The following RTN1 variants were observed in gnomAD, a reference collection of about 807,000 sequenced individuals.
The protein encoded by RTN1 is reticulon 1, also known as reticulon-1.
A neutral mutation model predicts 65.5 loss-of-function variants in RTN1; 25 were observed. The observed-to-expected ratio is 0.38, with a 90% CI of 0.28 to 0.53. The LOEUF (loss-of-function observed/expected upper bound fraction) is 0.53, where lower values mean the gene tolerates loss of function less well. Among genes scored for constraint, RTN1 ranks in the 20% least tolerant of loss-of-function variants. The pLI is 0.79. For missense variants in RTN1, 983 were observed against 1,025.4 expected (o/e 0.96, Z 0.57); for synonymous variants, 471 against 447.6 (o/e 1.05, Z -0.66).
chr14:59,801,301 A>C (rs547207333), intron 1 of RTN1, among the ~76,000 whole-genome samples: 34 of 152,324 alleles, frequency 2.2e-4, no homozygotes, highest in African/African-American at 8.2e-4. Flanking sequence ...GTCTAGATAC[A>C]CCATAGTCAG....
At position 59,746,140 on chromosome 14, in the gene RTN1, T is replaced by TATA. The variant is rs1885218379; in HGVS notation, c.580_582dup (p.Tyr194dup). 1 of 1,608,964 alleles carries TATA rather than the reference T, an allele frequency of 6.2e-7. No homozygotes were observed. The highest frequency in any genetic ancestry group is 8.5e-7 in the Non-Finnish European group (1 of 1,178,266). Reference sequence around the variant, plus strand: ...TCGGGTCTGGTTATGTCAATGTATTTATAGGCCTCTGCTTTCATCTGGTCC... The same window carrying TATA: ...TCGGGTCTGGTTATGTCAATGTATTTATAATAGGCCTCTGCTTTCATCTGGTCC... On this transcript the variant is annotated inframe_insertion, in exon 2 of 9. Coordinates refer to ENST00000267484, the MANE Select transcript of RTN1 (RefSeq NM_021136.3).
intron 3 of RTN1, among the ~76,000 whole-genome samples, chr14:59,641,765 GTACAA>G (rs1279310386): frequency 3.3e-5 from 5 of 152,156 alleles, no homozygotes; most frequent in African/African-American, 1.2e-4. Context: ...ACAAATTCTT[GTACAA>G]TACAAGTTTC....
chr14:59,699,471 G>GA (rs1186454354), intron 3 of RTN1, among the ~76,000 whole-genome samples: 6 of 151,892 alleles, frequency 4.0e-5, no homozygotes, highest in Non-Finnish European at 8.8e-5. Context: ...ACATTTTTAT[G>GA]AAAAAAATTG....
At chr14:59,671,779 G>A (rs146092427) in intron 3 of RTN1, among the ~76,000 whole-genome samples, 11 of 152,310 alleles carry the variant, frequency 7.2e-5, no homozygotes, top group African/African-American at 1.7e-4. Context: ...ATGCTTAGGC[G>A]GGGAACAGCT....
At chr14:59,747,234 C>T (rs1214690009) in intron 1 of RTN1, among the ~76,000 whole-genome samples, 6 of 152,206 alleles carry the variant, frequency 3.9e-5, no homozygotes, top group Admixed American at 2.6e-4. Flanking sequence ...AAGGGTAAGA[C>T]AGGTTTCCAA....
chr14:59,861,408 C>A (rs183630300), intron 1 of RTN1, among the ~76,000 whole-genome samples: 1 of 152,192 alleles, frequency 6.6e-6, no homozygotes, highest in South Asian at 2.1e-4. Context: ...GTTGATTAAA[C>A]CTTTTTCTTT....
chr14:59,663,840 GA>G (rs1883305194), intron 3 of RTN1, among the ~76,000 whole-genome samples: 1 of 152,160 alleles, frequency 6.6e-6, no homozygotes, highest in Non-Finnish European at 1.5e-5. Flanking sequence ...AGGATGTGGA[GA>G]AATAGGAATG....
intron 3 of RTN1, among the ~76,000 whole-genome samples, chr14:59,625,317 A>G (rs757141704): frequency 6.6e-6 from 1 of 152,172 alleles, no homozygotes; most frequent in Non-Finnish European, 1.5e-5. Context: ...AACCTTTCTA[A>G]CCCACAATGA....
At chr14:59,757,862 TAC>T (rs1014261695) in intron 1 of RTN1, among the ~76,000 whole-genome samples, 52 of 152,294 alleles carry the variant, frequency 3.4e-4, no homozygotes, top group African/African-American at 1.2e-3. Context: ...GTATATTTGT[TAC>T]AACTGATGAA....
intron 1 of RTN1, among the ~76,000 whole-genome samples, chr14:59,783,084 C>A (rs184845114): frequency 1.7e-4 from 26 of 152,244 alleles, no homozygotes; most frequent in African/African-American, 5.5e-4. Context: ...ATGAAGAAAG[C>A]AAGACAGAAA....
chr14:59,749,599 CTATCTA>C (rs1566712319), intron 1 of RTN1, among the ~76,000 whole-genome samples: 50 of 21,986 alleles, frequency 2.3e-3, no homozygotes, highest in East Asian at 0.011. Context: ...ATATATATAT[CTATCTA>C]TATATATTTA....
At chr14:59,792,407 A>G (rs1259552799) in intron 1 of RTN1, among the ~76,000 whole-genome samples, 1 of 151,304 alleles carries the variant, frequency 6.6e-6, no homozygotes, top group Non-Finnish European at 1.5e-5. Flanking sequence ...ATTCTGAGGT[A>G]ACAGATCCAC....
chr14:59,782,549 C>T (rs1312765891), intron 1 of RTN1, among the ~76,000 whole-genome samples: 3 of 152,182 alleles, frequency 2.0e-5, no homozygotes, highest in African/African-American at 7.2e-5. Context: ...TCACTGCACA[C>T]AGCTGCAAGA....
chr14:59,678,246 C>A (rs1301368200), intron 3 of RTN1, among the ~76,000 whole-genome samples: 1 of 152,070 alleles, frequency 6.6e-6, no homozygotes, highest in Admixed American at 6.6e-5. Flanking sequence ...GGTCTTTTCT[C>A]CAAAGTTTTA....
At chr14:59,629,338 T>C (rs1266379638) in intron 3 of RTN1, among the ~76,000 whole-genome samples, 1 of 152,212 alleles carries the variant, frequency 6.6e-6, no homozygotes, top group African/African-American at 2.4e-5. Flanking sequence ...TTAAAATATA[T>C]ACCGAAGCAA....
At chr14:59,607,914 AAGAG>A (rs535572199) in intron 3 of RTN1, among the ~76,000 whole-genome samples, 13 of 144,546 alleles carry the variant, frequency 9.0e-5, no homozygotes, top group Admixed American at 2.0e-4. Flanking sequence ...AAAAAAAAAA[AAGAG>A]AGAGAGAGCC....
chr14:59,754,191 A>T (rs902658268), intron 1 of RTN1, among the ~76,000 whole-genome samples: 3 of 152,236 alleles, frequency 2.0e-5, no homozygotes, highest in Admixed American at 1.3e-4. Flanking sequence ...ATTGCCATTA[A>T]ATCCCAATAT....
rs764922456 is a variant in RTN1 at position 59,727,222 on chromosome 14, G to T, written c.1462C>A (p.Pro488Thr). The change falls in exon 3 of 9, where the codon CCC becomes ACC. Residue 488 changes from proline to threonine, a missense_variant. Transcript: ENST00000267484. The surrounding 1 kb of genome is among the most constrained non-coding windows in gnomAD (Gnocchi z 4.2). ...EESPKREQDS[P>T]PMKPSALDAI... ...TCCAGGGCGCTGGGCTTCATCGGGGGTGAGTCCTGCTCCCGCTTGGGGCTC... is the reference window on the plus strand; with the variant it reads ...TCCAGGGCGCTGGGCTTCATCGGGGTTGAGTCCTGCTCCCGCTTGGGGCTC... 6 of 1,566,932 alleles carry T rather than the reference G, an allele frequency of 3.8e-6. No homozygotes were observed. Among genetic ancestry groups the T allele is most frequent in the Non-Finnish European group, 5.2e-6 (6 of 1,156,580 alleles).
At position 59,746,032 on chromosome 14, in the gene RTN1, T is replaced by C. The variant is rs774302518; in HGVS notation, c.691A>G (p.Ile231Val). Reference sequence around the variant, plus strand: ...GGTTCACGGACTCCTTCAGGTTTAATTGAGATGTCAGTGTCTTTATTCTTA... The same window carrying C: ...GGTTCACGGACTCCTTCAGGTTTAACTGAGATGTCAGTGTCTTTATTCTTA... ...DFKNKDTDIS[I>V]KPEGVREPDK... Residue 231 changes from isoleucine to valine, a missense_variant, in exon 2 of 9, where the codon ATT becomes GTT. Ile to Val is a conservative substitution (Grantham distance 29). Around this residue, in one of 2 missense-constraint regions of RTN1, gnomAD observed 818 missense variants for 801.8 expected, o/e 1.02. Transcript: ENST00000267484. 17 of 1,614,094 alleles carry C rather than the reference T, an allele frequency of 1.1e-5. No homozygotes were observed. Among genetic ancestry groups the C allele is most frequent in the Middle Eastern group, 1.6e-4 (1 of 6,084 alleles).
Sources: gnomAD v4.1 joint callset for allele counts (sites outside exome capture counted in the v4.1 genomes callset) on GRCh38, gnomAD v4.1.1 for gene constraint, gnomAD v4.1.1 regional missense constraint, Gnocchi (gnomAD v3.1) non-coding constraint, MANE v1.5 for transcripts, NCBI Gene and HGNC (gene_info 2026-07-23, HGNC 2026-07-21) for gene names.